Variants in ARHGAP15 observed in about 807,000 individuals in gnomAD.
ARHGAP15 encodes the protein rho GTPase-activating protein 15.
Under a neutral mutation model 63.7 loss-of-function variants are expected in ARHGAP15, and 51 were observed. The ratio of observed to expected loss-of-function variants is 0.80; its 90% CI spans 0.64 to 1.01. The LOEUF is 1.01. Among genes scored for constraint, ARHGAP15 ranks in the 50% least tolerant of loss-of-function variants. ARHGAP15 has a pLI of 0.00. For synonymous variants in ARHGAP15, 191 were observed against 193.8 expected, an observed-to-expected ratio of 0.99 and a Z score of 0.12; for missense variants, 560 against 564.6, an observed-to-expected ratio of 0.99 and a Z score of 0.08.
At chr2:143,448,079 T>C (rs1558978565) in intron 8 of ARHGAP15, among the ~76,000 whole-genome samples, 1 of 152,038 alleles carries the variant, frequency 6.6e-6, no homozygotes, top group Non-Finnish European at 1.5e-5. Flanking sequence ...ACTCTAGCAG[T>C]TTTTCAGATG....
At chr2:143,236,374 G>C (rs1444231799) in intron 5 of ARHGAP15, 1 of 156,992 alleles carries the variant, frequency 6.4e-6, no homozygotes, top group Non-Finnish European at 1.4e-5. Context: ...GTTCAGCTTA[G>C]GTATCTCTCC....
chr2:143,720,797 C>A (rs1306755088), intron 13 of ARHGAP15, among the ~76,000 whole-genome samples: 1 of 152,056 alleles, frequency 6.6e-6, no homozygotes, highest in Non-Finnish European at 1.5e-5. Context: ...GGGTCGGGCA[C>A]GGTGGCTCAC....
At chr2:143,292,867 A>T (rs1682468251) in intron 6 of ARHGAP15, among the ~76,000 whole-genome samples, 1 of 151,992 alleles carries the variant, frequency 6.6e-6, no homozygotes, top group African/African-American at 2.4e-5. Context: ...GCTATTGTTG[A>T]TTGTTTCTAG....
chr2:143,681,417 G>A (rs1683095548), intron 12 of ARHGAP15, among the ~76,000 whole-genome samples: 1 of 152,158 alleles, frequency 6.6e-6, no homozygotes, highest in African/African-American at 2.4e-5. Flanking sequence ...TGGATTTGCA[G>A]TCCTTAAAGT....
chr2:143,320,504 T>C (rs1217442693), intron 6 of ARHGAP15, among the ~76,000 whole-genome samples: 1 of 145,244 alleles, frequency 6.9e-6, no homozygotes, highest in Non-Finnish European at 1.5e-5. Flanking sequence ...TGCAAGTCAC[T>C]TGACTATAAT....
chr2:143,515,005 G>A (rs997425515), intron 9 of ARHGAP15, among the ~76,000 whole-genome samples: 4 of 152,162 alleles, frequency 2.6e-5, no homozygotes, highest in Admixed American at 1.3e-4. Context: ...GGTGGTACGA[G>A]ATGGTTCCAT....
chr2:143,684,002 T>C (rs889071864), intron 12 of ARHGAP15, among the ~76,000 whole-genome samples: 1 of 152,210 alleles, frequency 6.6e-6, no homozygotes, highest in African/African-American at 2.4e-5. Context: ...TTTTATTATA[T>C]TGAAGAAGAA....
chr2:143,584,947 T>G (rs1697055715), intron 11 of ARHGAP15, among the ~76,000 whole-genome samples: 1 of 152,236 alleles, frequency 6.6e-6, no homozygotes, highest in African/African-American at 2.4e-5. Flanking sequence ...AATGTCTTGC[T>G]AATATCTTCG....
intron 13 of ARHGAP15, among the ~76,000 whole-genome samples, chr2:143,704,944 GAAGT>G (rs1302614684): frequency 2.6e-5 from 4 of 152,128 alleles, no homozygotes; most frequent in Non-Finnish European, 4.4e-5. Flanking sequence ...CTGCTGAACA[GAAGT>G]AACTAACATT....
chr2:143,332,183 G>C (rs932228043), intron 6 of ARHGAP15, among the ~76,000 whole-genome samples: 1 of 152,088 alleles, frequency 6.6e-6, no homozygotes, highest in Non-Finnish European at 1.5e-5. Context: ...TTGATGTCCT[G>C]GGAACTGGTT....
At chr2:143,357,165 T>G (rs1685846200) in intron 6 of ARHGAP15, among the ~76,000 whole-genome samples, 3 of 152,196 alleles carry the variant, frequency 2.0e-5, no homozygotes, top group Admixed American at 2.0e-4. Flanking sequence ...TATACTGTAT[T>G]ATGGGTTATA....
At chr2:143,227,304 A>G (rs1314740217) in intron 4 of ARHGAP15, among the ~76,000 whole-genome samples, 1 of 152,146 alleles carries the variant, frequency 6.6e-6, no homozygotes, top group Non-Finnish European at 1.5e-5. Flanking sequence ...AACTACTGTC[A>G]TATCAAGACT....
At chr2:143,304,036 G>T (rs558578098) in intron 6 of ARHGAP15, among the ~76,000 whole-genome samples, 1 of 152,266 alleles carries the variant, frequency 6.6e-6, no homozygotes, top group East Asian at 1.9e-4. Context: ...CATTGTGCAA[G>T]ACAGTGTGGC....
intron 6 of ARHGAP15, among the ~76,000 whole-genome samples, chr2:143,385,380 G>C (rs1687235367): frequency 3.3e-5 from 5 of 152,136 alleles, no homozygotes; most frequent in African/African-American, 9.7e-5. Flanking sequence ...TCAACTTTTA[G>C]AGTGCTGAAG....
intron 6 of ARHGAP15, among the ~76,000 whole-genome samples, chr2:143,259,220 C>T (rs1242189091): frequency 1.3e-5 from 2 of 152,098 alleles, no homozygotes; most frequent in Non-Finnish European, 2.9e-5. Context: ...ATGTGAAACC[C>T]TTCTCTTTTG....
intron 13 of ARHGAP15, among the ~76,000 whole-genome samples, chr2:143,746,726 T>C (rs1361158613): frequency 6.6e-6 from 1 of 152,124 alleles, no homozygotes; most frequent in Non-Finnish European, 1.5e-5. Context: ...AACTTAGCGA[T>C]AAAAATAAAA....
rs573077356 is a variant in ARHGAP15 at position 143,578,394 on chromosome 2, C to A, written c.1003+21909C>A. Among the ~76,000 whole-genome samples, 5 of 152,072 alleles carry A rather than the reference C, an allele frequency of 3.3e-5. No individual in the cohort carries two copies. In the South Asian group the frequency reaches 1.0e-3, roughly 31 times the overall value. ...GATGAGAGATTTAACTTTCAACAGG[C>A]AAAGGTAAATATTGAGAGGGCCAGA... On this transcript the variant is annotated intron_variant, in intron 11 of 13. Transcript: ENST00000295095.
intron 6 of ARHGAP15, among the ~76,000 whole-genome samples, chr2:143,295,249 A>G (rs1156558029): frequency 6.6e-6 from 1 of 152,080 alleles, no homozygotes; most frequent in Non-Finnish European, 1.5e-5. Flanking sequence ...AACTTTCTCT[A>G]ATTAGGCATG....
At chr2:143,672,944 A>G (rs980004342) in intron 12 of ARHGAP15, among the ~76,000 whole-genome samples, 4 of 152,166 alleles carry the variant, frequency 2.6e-5, no homozygotes, top group African/African-American at 9.7e-5. Flanking sequence ...TCCATAATAG[A>G]GTGTCTGCTA....
Sources: allele counts gnomAD v4.1 joint callset (sites outside exome capture counted in the v4.1 genomes callset), GRCh38; gene constraint gnomAD v4.1.1; transcripts MANE v1.5; gene names NCBI Gene and HGNC (gene_info 2026-07-23, HGNC 2026-07-21).